TMEM116: variants seen among roughly 807,000 people sequenced by gnomAD.
The protein encoded by TMEM116 is transmembrane protein 116.
TMEM116 carries 38 observed loss-of-function variants against 44.3 expected under a neutral mutation model. That is an observed-to-expected ratio of 0.86 (90% CI 0.66 to 1.12). The LOEUF (loss-of-function observed/expected upper bound fraction) is 1.12. Among genes scored for constraint, TMEM116 ranks in the 50% most tolerant of loss-of-function variants. TMEM116 has a pLI of 0.00. For synonymous variants in TMEM116, 132 were observed against 144.8 expected (o/e 0.91, Z 0.64); for missense variants, 354 against 401.7 (o/e 0.88, Z 1.01).
chr12:111,985,588 T>C (rs907018770), intron 4 of TMEM116, among the ~76,000 whole-genome samples: 1 of 152,098 alleles, frequency 6.6e-6, no homozygotes, highest in Non-Finnish European at 1.5e-5. Context: ...AGACTTACTA[T>C]TATAGTTTTT....
intron 4 of TMEM116, among the ~76,000 whole-genome samples, chr12:111,970,815 G>A (rs1219368386): frequency 1.3e-5 from 2 of 151,868 alleles, no homozygotes; most frequent in Non-Finnish European, 2.9e-5. Flanking sequence ...GTCTCAATCT[G>A]CTGACCTCGT....
intron 3 of TMEM116, 167 bp downstream of exon 3, chr12:112,003,633 G>A: frequency 6.5e-6 from 5 of 770,280 alleles, no homozygotes; most frequent in Non-Finnish European, 3.8e-6. Flanking sequence ...TTACCTAGAA[G>A]AAAAGGGAGC....
chr12:111,979,407 G>A (rs1040910164), intron 4 of TMEM116, among the ~76,000 whole-genome samples: 3 of 152,118 alleles, frequency 2.0e-5, no homozygotes, highest in African/African-American at 7.2e-5. Context: ...CATATCGTAT[G>A]ATTCCATTTA....
intron 4 of TMEM116, among the ~76,000 whole-genome samples, chr12:111,968,667 G>A (rs1326020178): frequency 3.3e-5 from 5 of 152,194 alleles, no homozygotes; most frequent in Middle Eastern, 3.2e-3. Context: ...TATCTTTTCA[G>A]TAAGTTGAGA....
At chr12:111,950,206 T>C (rs2136310773) in intron 4 of TMEM116, among the ~76,000 whole-genome samples, 1 of 151,978 alleles carries the variant, frequency 6.6e-6, no homozygotes, top group South Asian at 2.1e-4. Context: ...GTGCCCGGGG[T>C]ATGGGCAACA....
intron 1 of TMEM116, among the ~76,000 whole-genome samples, chr12:112,007,043 T>C (rs2077617499): frequency 6.6e-6 from 1 of 152,200 alleles, no homozygotes; most frequent in South Asian, 2.1e-4. Flanking sequence ...AGTTTGAGGC[T>C]GCAGTGTGCT....
At chr12:111,970,813 C>CTGCTGA in intron 4 of TMEM116, among the ~76,000 whole-genome samples, 1 of 152,172 alleles carries the variant, frequency 6.6e-6, no homozygotes, top group Non-Finnish European at 1.5e-5. Flanking sequence ...TGGTCTCAAT[C>CTGCTGA]TGCTGACCTC....
chr12:111,963,050 A>G (rs1029069291), intron 4 of TMEM116, among the ~76,000 whole-genome samples: 3 of 148,198 alleles, frequency 2.0e-5, no homozygotes, highest in Non-Finnish European at 4.4e-5. Context: ...GCCAACAAAC[A>G]TATGAAAAAA....
chr12:111,945,743 C>A (rs1259382213), intron 4 of TMEM116, among the ~76,000 whole-genome samples: 1 of 152,164 alleles, frequency 6.6e-6, no homozygotes, highest in Non-Finnish European at 1.5e-5. Context: ...TGAGAACCTT[C>A]TGCTTAATCT....
chr12:112,009,534 T>TCAA (rs1565981388), intron 1 of TMEM116, among the ~76,000 whole-genome samples: 43 of 135,562 alleles, frequency 3.2e-4, no homozygotes, highest in African/African-American at 1.3e-3. Flanking sequence ...ATGGGTTTAC[T>TCAA]TAAAAAAAAA....
intron 3 of TMEM116, among the ~76,000 whole-genome samples, chr12:111,995,667 G>A (rs998403057): frequency 2.0e-5 from 3 of 152,046 alleles, no homozygotes; most frequent in Non-Finnish European, 2.9e-5. Flanking sequence ...GAACCCAGGA[G>A]GCGGAGGTTG....
At chr12:111,948,293 G>A (rs2073438134) in intron 4 of TMEM116, among the ~76,000 whole-genome samples, 1 of 152,160 alleles carries the variant, frequency 6.6e-6, no homozygotes, top group South Asian at 2.1e-4. Flanking sequence ...AGAAACGTAG[G>A]AGTTCAGAGT....
rs2072333101 is a variant in TMEM116, at chr12:111,938,217, A to G, written c.316-7T>C. The G allele has an allele frequency of 2.5e-6, 4 of 1,574,586 alleles. No homozygotes were observed. Among genetic ancestry groups the G allele is most frequent in the South Asian group, 2.4e-5 (2 of 83,642 alleles). The stretch of plus-strand genomic sequence containing the variant: ...GACAAGTATAATCTATCACCTGTGA[A>G]AAGAATAAATGTGAGAAATGTCTTA... On this transcript the variant is annotated splice_polypyrimidine_tract_variant and splice_region_variant and intron_variant, in intron 5 of 10. Transcript: ENST00000552374.
At chr12:111,957,824 T>G (rs552592499) in intron 4 of TMEM116, among the ~76,000 whole-genome samples, 2,252 of 139,806 alleles carry the variant, frequency 0.016, 21 homozygotes, top group Non-Finnish European at 0.025. Flanking sequence ...GCGGTTTTGT[T>G]GAATAGAAAA....
chr12:111,958,372 T>C (rs1394236909), intron 4 of TMEM116, among the ~76,000 whole-genome samples: 1 of 147,488 alleles, frequency 6.8e-6, no homozygotes, highest in Non-Finnish European at 1.5e-5. Context: ...GGTAGATAAA[T>C]TCCACAAAGA....
intron 4 of TMEM116, among the ~76,000 whole-genome samples, chr12:111,974,433 T>C (rs1241162469): frequency 3.3e-5 from 5 of 151,968 alleles, no homozygotes; most frequent in Non-Finnish European, 7.4e-5. Flanking sequence ...ATTTGAGGTT[T>C]GAGGTCAGGA....
chr12:111,976,675 TAGGG>T (rs1486313158), intron 4 of TMEM116, among the ~76,000 whole-genome samples: 1 of 152,128 alleles, frequency 6.6e-6, no homozygotes, highest in Admixed American at 6.6e-5. Flanking sequence ...AATTATTAGA[TAGGG>T]AATCTAAAAC....
Position 111,963,780 on chromosome 12 carries a change from C to T in TMEM116, c.211-20411G>A, listed in dbSNP as rs1049077187. ...TGTATACCTATGTAACAAACCTGCA[C>T]GTCCTGCACACATACGCCAGAACTT... On this transcript the variant is annotated intron_variant, in intron 4 of 10. Coordinates refer to ENST00000552374, the MANE Select transcript of TMEM116 (RefSeq NM_001193531.2). Among the ~76,000 whole-genome samples, 26 of 152,030 alleles carry T rather than the reference C, an allele frequency of 1.7e-4. 1 individual carries two copies. Among genetic ancestry groups the T allele is most frequent in the South Asian group, 2.1e-4 (1 of 4,820 alleles).
rs533420702 is a variant in TMEM116 at position 111,969,670 on chromosome 12, C to T, written c.210+22088G>A. Among the ~76,000 whole-genome samples the T allele has an allele frequency of 3.3e-4, 50 of 151,894 alleles. No individual in the cohort carries two copies. The South Asian group carries it at 4.6e-3, about 14-fold the overall frequency. On this transcript the variant is annotated intron_variant, in intron 4 of 10. Transcript: ENST00000552374. ...TTGGCTCACTGCAAGCTCCGCCTCCCGGGTTCACGCCATTCTCCTGCCTCA... is the reference window on the plus strand; with the variant it reads ...TTGGCTCACTGCAAGCTCCGCCTCCTGGGTTCACGCCATTCTCCTGCCTCA...
Sources: allele counts gnomAD v4.1 joint callset (sites outside exome capture counted in the v4.1 genomes callset), GRCh38; gene constraint gnomAD v4.1.1; transcripts MANE v1.5; gene names NCBI Gene and HGNC (gene_info 2026-07-23, HGNC 2026-07-21).